TP73: variants seen among roughly 807,000 people sequenced by gnomAD.
The protein encoded by TP73 is tumor protein p73.
Under a neutral mutation model 62.5 loss-of-function variants are expected in TP73, and 25 were observed. The observed-to-expected ratio is 0.40, with a 90% CI of 0.29 to 0.56. TP73 has a LOEUF of 0.56. Ranked by LOEUF, TP73 falls within the 20% of genes least tolerant of loss-of-function variation. The pLI is 0.46. For synonymous variants in TP73, 423 were observed against 377.5 expected (o/e 1.12, Z -1.40); for missense variants, 754 against 913.3 (o/e 0.83, Z 2.25).
At chr1:3,729,632 C>A in intron 10 of TP73, 184 bp downstream of exon 10, 1 of 1,041,506 alleles carries the variant, frequency 9.6e-7, no homozygotes, top group Non-Finnish European at 1.5e-6. Flanking sequence ...CTTGGGGCTG[C>A]CCTGGGACCC....
In TP73 at chr1:3,729,420, C is replaced by T. The variant is rs1226557830; in HGVS notation, c.1168C>T (p.Arg390Trp). Residue 390 changes from arginine (R) to tryptophan (W), a missense_variant, in exon 10 of 14, where the codon CGG becomes TGG. Physicochemically the swap from Arg to Trp is moderately radical, Grantham distance 101 (BLOSUM62 -3). Transcript: ENST00000378295. ...LVPQPLVDSY[R>W]QQQQLLQRPS... ...GCCGCAGCCACTGGTGGACTCCTATCGGCAGCAGCAGCAGCTCCTACAGAG... is the reference window on the plus strand; with the variant it reads ...GCCGCAGCCACTGGTGGACTCCTATTGGCAGCAGCAGCAGCTCCTACAGAG... 10 of 1,612,838 alleles carry T rather than the reference C, an allele frequency of 6.2e-6. No individual in the cohort carries two copies. The highest frequency in any genetic ancestry group is 1.1e-5 in the South Asian group (1 of 91,072).
intron 4 of TP73, chr1:3,708,346 G>T (rs545583419): frequency 1.2e-5 from 2 of 164,598 alleles, no homozygotes; most frequent in Non-Finnish European, 2.7e-5. Flanking sequence ...CCTCACTGCG[G>T]TGCCCCTGGA....
chr1:3,685,613 T>A (rs1289396499), intron 3 of TP73, among the ~76,000 whole-genome samples: 2 of 152,050 alleles, frequency 1.3e-5, no homozygotes, highest in Non-Finnish European at 2.9e-5. Context: ...GAGCGCCAGG[T>A]ACAAAGACAG....
intron 3 of TP73, among the ~76,000 whole-genome samples, chr1:3,691,179 G>C (rs575975401): frequency 6.6e-6 from 1 of 152,224 alleles, no homozygotes; most frequent in African/African-American, 2.4e-5. Context: ...GCAGGGACCC[G>C]CAGCCAGGGA....
At chr1:3,681,230 G>A (rs1319511517) in intron 1 of TP73, among the ~76,000 whole-genome samples, 1 of 152,238 alleles carries the variant, frequency 6.6e-6, no homozygotes, top group Non-Finnish European at 1.5e-5. Flanking sequence ...GCCGTGGGCA[G>A]GTCCAGGCCT....
chr1:3,717,933 G>T (rs1640739900), intron 4 of TP73, among the ~76,000 whole-genome samples: 1 of 152,220 alleles, frequency 6.6e-6, no homozygotes, highest in African/African-American at 2.4e-5. Context: ...TGTGAGCACT[G>T]CACTGGGGAC....
Position 3,707,649 on chromosome 1 carries a change from A to C in TP73, c.287A>C (p.His96Pro). Residue 96 changes from histidine (H) to proline (P), a missense_variant, in exon 4 of 14, where the codon CAC becomes CCC. Coordinates refer to ENST00000378295, the MANE Select transcript of TP73 (RefSeq NM_005427.4). ...TPEHAASVPT[H>P]SPYAQPSSTF... ...GAGCACGCCGCCAGCGTGCCCACCC[A>C]CTCGCCCTACGCACAACCCAGCTCC... 1 of 1,611,654 alleles carries C rather than the reference A, an allele frequency of 6.2e-7. No individual in the cohort carries two copies. The highest frequency in any genetic ancestry group is 8.5e-7 in the Non-Finnish European group (1 of 1,179,652).
At chr1:3,693,395 G>A (rs1465507022) in intron 3 of TP73, among the ~76,000 whole-genome samples, 2 of 152,190 alleles carry the variant, frequency 1.3e-5, no homozygotes, top group Non-Finnish European at 2.9e-5. Context: ...CCTGGCCCTG[G>A]GAAGAGGCCC....
intron 3 of TP73, 113 bp from the exon 4 acceptor site, chr1:3,707,436 G>A: frequency 7.0e-7 from 1 of 1,426,760 alleles, no homozygotes; most frequent in Non-Finnish European, 9.5e-7. Context: ...GAAATATTTG[G>A]GATGACTGGA....
At chr1:3,656,284 C>T (rs1644864595) in intron 1 of TP73, among the ~76,000 whole-genome samples, 1 of 152,210 alleles carries the variant, frequency 6.6e-6, no homozygotes, top group Non-Finnish European at 1.5e-5. Context: ...TTTCTGCCTG[C>T]CCCCTGGCAG....
At chr1:3,654,384 A>C (rs1390716475) in intron 1 of TP73, among the ~76,000 whole-genome samples, 2 of 152,136 alleles carry the variant, frequency 1.3e-5, no homozygotes, top group Non-Finnish European at 2.9e-5. Flanking sequence ...CTGTCTCCAA[A>C]TCCCGAAGGC....
intron 10 of TP73, 76 bp downstream of exon 10, chr1:3,729,524 C>T: frequency 6.2e-7 from 1 of 1,603,270 alleles, no homozygotes; most frequent in Admixed American, 1.7e-5. Flanking sequence ...GCCAGGAGGA[C>T]CAGAAACCCC....
rs1035826650 is a variant in TP73, at chr1:3,728,080, A to C, written c.986-49A>C. On this transcript the variant is annotated intron_variant, in intron 8 of 13. Coordinates refer to ENST00000378295, the MANE Select transcript of TP73 (RefSeq NM_005427.4). ...CTCCCTCCTCCCGGAAGGAGGCCTC[A>C]CCCTCTGGTCCTGCCTGCTCACCCC... 4 of 1,549,486 alleles carry C rather than the reference A, an allele frequency of 2.6e-6. No homozygotes were observed. In the South Asian group the frequency reaches 4.6e-5, roughly 18 times the overall value.
intron 4 of TP73, among the ~76,000 whole-genome samples, chr1:3,709,444 G>A (rs781255997): frequency 7.9e-5 from 12 of 152,246 alleles, no homozygotes; most frequent in Admixed American, 2.0e-4. Context: ...TGCCAGGGCT[G>A]TGGCCAGCAC....
Position 3,722,037 on chromosome 1 carries a change from A to G in TP73, c.446A>G (p.Lys149Arg). The G allele has an allele frequency of 6.2e-7, 1 of 1,609,632 alleles. No individual in the cohort carries two copies. The highest frequency in any genetic ancestry group is 1.1e-5 in the South Asian group (1 of 90,930). ...SATWTYSPLLKKLYCQIAKTC... is the reference protein window; with the variant it reads ...SATWTYSPLLRKLYCQIAKTC... The stretch of plus-strand genomic sequence containing the variant: ...CCACTCCAGTACTCCCCGCTCTTGA[A>G]GAAACTCTACTGCCAGATCGCCAAG... The change falls in exon 5 of 14, where the codon AAG (lysine) becomes AGG (arginine). Residue 149 changes from lysine (K) to arginine (R), a missense_variant. Coordinates refer to ENST00000378295, the MANE Select transcript of TP73 (RefSeq NM_005427.4).
intron 3 of TP73, among the ~76,000 whole-genome samples, chr1:3,697,149 G>C (rs76941383): frequency 2.0e-4 from 22 of 107,650 alleles, no homozygotes; most frequent in East Asian, 4.7e-4. Context: ...GGCCCCTGCG[G>C]GGCCCACCTC....
At chr1:3,689,410 C>T (rs1389216702) in intron 3 of TP73, among the ~76,000 whole-genome samples, 2 of 152,322 alleles carry the variant, frequency 1.3e-5, no homozygotes, top group Non-Finnish European at 2.9e-5. Flanking sequence ...TCACCTGCTG[C>T]CTCCCGGCCC....
At chr1:3,695,397 C>T (rs901491770) in intron 3 of TP73, among the ~76,000 whole-genome samples, 2 of 152,218 alleles carry the variant, frequency 1.3e-5, no homozygotes, top group African/African-American at 4.8e-5. Flanking sequence ...CTCTCCTGCG[C>T]CCTCTCTATG....
intron 1 of TP73, among the ~76,000 whole-genome samples, chr1:3,665,145 C>T (rs906372352): frequency 6.6e-6 from 1 of 152,098 alleles, no homozygotes; most frequent in Non-Finnish European, 1.5e-5. Flanking sequence ...CCAACCAGTC[C>T]CCTCATAATT....
Sources: gnomAD v4.1 joint callset for allele counts (sites outside exome capture counted in the v4.1 genomes callset) on GRCh38, gnomAD v4.1.1 for gene constraint, MANE v1.5 for transcripts, NCBI Gene and HGNC (gene_info 2026-07-23, HGNC 2026-07-21) for gene names.